The following SYCE2 variants were observed in gnomAD, a reference collection of about 807,000 sequenced individuals.
The protein encoded by SYCE2 is central element synaptonemal complex 1.
Under a neutral mutation model 27.9 loss-of-function variants are expected in SYCE2, and 3 were observed. The observed-to-expected ratio is 0.11, with a 90% confidence interval of 0.05 to 0.28. The LOEUF is 0.28. SYCE2 is among the 10% of genes least tolerant of loss of function. The pLI is 1.00. For synonymous variants in SYCE2, 85 were observed against 100.7 expected, an observed-to-expected ratio of 0.84 and a Z score of 0.93; for missense variants, 207 against 263.5, an observed-to-expected ratio of 0.79 and a Z score of 1.48.
chr19:12,900,218 C>A, intron 4 of SYCE2, 98 bp from the exon 5 acceptor site: 1 of 1,407,154 alleles, frequency 7.1e-7, no homozygotes. Flanking sequence ...GGACTTTGTC[C>A]TTTCTGTCAC....
chr19:12,916,707 C>G (rs1380633011), intron 2 of SYCE2, among the ~76,000 whole-genome samples: 1 of 152,180 alleles, frequency 6.6e-6, no homozygotes, highest in African/African-American at 2.4e-5. Flanking sequence ...GTGGTCCTCC[C>G]ACCTCAGCCT....
intron 2 of SYCE2, among the ~76,000 whole-genome samples, chr19:12,907,589 G>A (rs1187196494): frequency 6.6e-6 from 1 of 152,034 alleles, no homozygotes; most frequent in African/African-American, 2.4e-5. Context: ...TCAGGAGTTC[G>A]AGATCAGCCT....
intron 2 of SYCE2, among the ~76,000 whole-genome samples, chr19:12,916,120 A>C (rs1209113968): frequency 2.1e-5 from 3 of 145,240 alleles, no homozygotes; most frequent in African/African-American, 5.2e-5. Context: ...CCCAGGATGG[A>C]GTGCAATGGT....
rs879686030 is a variant in SYCE2, at chr19:12,912,777, T to TA, written c.131+5444dup. The stretch of plus-strand genomic sequence containing the variant: ...GTTTTCATGGCAGCTAAGCAAACAG[T>TA]AAAAAAAAAAAAAAATCACTTGAAT... On this transcript the variant is annotated intron_variant, in intron 2 of 5. Transcript: ENST00000293695. 5.1e-3 allele frequency among the ~76,000 whole-genome samples: 706 copies of TA among 139,552 alleles called. 1 individual carries two copies. Among genetic ancestry groups the TA allele is most frequent in the African/African-American group, 0.01 (381 of 37,948 alleles). The allele number at this position is 139,552 out of a possible 152,430, so 91.6% of individuals were successfully genotyped here.
At chr19:12,916,795 T>C (rs1971146485) in intron 2 of SYCE2, among the ~76,000 whole-genome samples, 1 of 151,892 alleles carries the variant, frequency 6.6e-6, no homozygotes, top group Non-Finnish European at 1.5e-5. Flanking sequence ...TTCTTTTTTT[T>C]CAGAGAGATA....
intron 2 of SYCE2, among the ~76,000 whole-genome samples, chr19:12,905,817 T>G (rs1970923942): frequency 6.6e-6 from 1 of 152,146 alleles, no homozygotes; most frequent in South Asian, 2.1e-4. Context: ...TTTAAAATTT[T>G]TAAATAGAGA....
At chr19:12,913,181 A>C (rs986587653) in intron 2 of SYCE2, among the ~76,000 whole-genome samples, 4 of 152,206 alleles carry the variant, frequency 2.6e-5, no homozygotes, top group African/African-American at 4.8e-5. Context: ...GCGTTCATCT[A>C]TTATGGTCTG....
chr19:12,914,699 TC>T (rs1971107178), intron 2 of SYCE2, among the ~76,000 whole-genome samples: 1 of 152,220 alleles, frequency 6.6e-6, no homozygotes, highest in African/African-American at 2.4e-5. Context: ...AACCTCTGCC[TC>T]CCAGGTTCAA....
chr19:12,913,361 C>T (rs568261502), intron 2 of SYCE2, among the ~76,000 whole-genome samples: 2 of 152,288 alleles, frequency 1.3e-5, no homozygotes, highest in Non-Finnish European at 2.9e-5. Flanking sequence ...CAGAACTGCC[C>T]GCTGGTGGGG....
Position 12,902,283 on chromosome 19 carries a change from A to C in SYCE2, c.307-1635T>G, listed in dbSNP as rs549116933. On this transcript the variant is annotated intron_variant, in intron 3 of 5. Transcript: ENST00000293695. ...TCACAAAACTGTACAGTACAAGCTC[A>C]GCCAGGTTAGGAAGAAAGTACACAG... Among the ~76,000 whole-genome samples, 17 of 152,298 alleles carry C rather than the reference A, an allele frequency of 1.1e-4. 1 individual carries two copies. The South Asian group carries it at 3.5e-3, about 32-fold the overall frequency.
At chr19:12,909,937 G>C (rs1266783535) in intron 2 of SYCE2, among the ~76,000 whole-genome samples, 5 of 152,080 alleles carry the variant, frequency 3.3e-5, no homozygotes, top group Middle Eastern at 3.4e-3. Context: ...AGCGATCTCA[G>C]GTCACTGCAA....
chr19:12,901,169 A>AAATAAAT (rs1555752652), intron 3 of SYCE2, among the ~76,000 whole-genome samples: 3 of 140,752 alleles, frequency 2.1e-5, no homozygotes, highest in Admixed American at 1.5e-4. Flanking sequence ...ACTCCATCTC[A>AAATAAAT]AAATAAATAA....
At chr19:12,917,097 C>T (rs1439301356) in intron 2 of SYCE2, among the ~76,000 whole-genome samples, 1 of 141,166 alleles carries the variant, frequency 7.1e-6, no homozygotes, top group Non-Finnish European at 1.5e-5. Flanking sequence ...CAGAGTCTTG[C>T]TCTGTCACCA....
rs138040777 is a variant in SYCE2 at position 12,917,995 on chromosome 19, G to A, written c.131+227C>T. Among the ~76,000 whole-genome samples, 134 of 152,192 alleles carry A rather than the reference G, an allele frequency of 8.8e-4. 2 individuals carry two copies. The East Asian group carries it at 0.021, about 23-fold the overall frequency. On this transcript the variant is annotated intron_variant, in intron 2 of 5. Coordinates refer to ENST00000293695, the MANE Select transcript of SYCE2 (RefSeq NM_001105578.2). ...ATAAATTGGCCCGACATTCTGGCCC[G>A]CCTCTAGTCCCAGCCATTTCGGAGG...
chr19:12,899,335 C>G lies in SYCE2; in HGVS notation c.*6G>C. On this transcript the variant is annotated 3_prime_UTR_variant, in exon 6 of 6. Coordinates refer to ENST00000293695, the MANE Select transcript of SYCE2 (RefSeq NM_001105578.2). ...TGTCACTAAGGCGTGAGTCTCCCGG[C>G]AGCTGTCAGCATTCACCATCTCTGT... is the stretch of plus-strand genomic sequence containing the variant. 6.2e-7 allele frequency: 1 copy of G among 1,613,394 alleles called. No homozygotes were observed. The highest frequency in any genetic ancestry group is 1.1e-5 in the South Asian group (1 of 91,066).
rs553616069 is a variant in SYCE2, at chr19:12,916,787, C to T, written c.131+1435G>A. Reference sequence around the variant, plus strand: ...CGCTCATTTCTTTCTTTCTTTCTTTCTTTTTTTTCAGAGAGATATGTCTCC... The same window carrying T: ...CGCTCATTTCTTTCTTTCTTTCTTTTTTTTTTTTCAGAGAGATATGTCTCC... On this transcript the variant is annotated intron_variant, in intron 2 of 5. Coordinates refer to ENST00000293695, the MANE Select transcript of SYCE2 (RefSeq NM_001105578.2). Among the ~76,000 whole-genome samples the T allele has an allele frequency of 1.6e-3, 232 of 149,196 alleles. 5 individuals carry two copies. The highest frequency in any genetic ancestry group is 5.8e-3 in the African/African-American group (226 of 38,994).
chr19:12,901,408 C>T (rs1281154301), intron 3 of SYCE2, among the ~76,000 whole-genome samples: 2 of 149,882 alleles, frequency 1.3e-5, no homozygotes, highest in African/African-American at 2.5e-5. Flanking sequence ...GCATAGGTGA[C>T]GCGCACTTGC....
At chr19:12,917,635 A>T (rs1971159909) in intron 2 of SYCE2, among the ~76,000 whole-genome samples, 1 of 139,496 alleles carries the variant, frequency 7.2e-6, no homozygotes, top group Non-Finnish European at 1.5e-5. Context: ...TGCTAGGATT[A>T]CAGGCATAAG....
chr19:12,903,455 T>A (rs1022085632), intron 3 of SYCE2, among the ~76,000 whole-genome samples: 4 of 147,062 alleles, frequency 2.7e-5, no homozygotes, highest in Non-Finnish European at 5.9e-5. Context: ...AGTGGTGCAA[T>A]CTCGGCTCAC....
Sources: gnomAD v4.1 joint callset for allele counts (sites outside exome capture counted in the v4.1 genomes callset) on GRCh38, gnomAD v4.1.1 for gene constraint, MANE v1.5 for transcripts, NCBI Gene and HGNC (gene_info 2026-07-23, HGNC 2026-07-21) for gene names.